The following KIF25 variants were observed in gnomAD, a reference collection of about 807,000 sequenced individuals.
KIF25 encodes kinesin family member 25.
KIF25 carries 19 observed loss-of-function variants against 32.9 expected under a neutral mutation model. That is an observed-to-expected ratio of 0.58 (90% CI 0.40 to 0.85). KIF25 has a LOEUF of 0.85. Ranked by LOEUF, KIF25 falls within the 40% of genes least tolerant of loss-of-function variation. KIF25 has a pLI of 0.00. For synonymous variants in KIF25, 225 were observed against 213.7 expected, an observed-to-expected ratio of 1.05 and a Z score of -0.46; for missense variants, 485 against 507.0, an observed-to-expected ratio of 0.96 and a Z score of 0.42.
chr6:168,025,546 G>A (rs1354149559), intron 5 of KIF25, among the ~76,000 whole-genome samples: 4 of 152,098 alleles, frequency 2.6e-5, no homozygotes, highest in Non-Finnish European at 4.4e-5. Context: ...TGTGGTAAAA[G>A]CTTTTTCCTT....
chr6:168,029,797 TA>T, intron 6 of KIF25, 120 bp downstream of exon 6: 1 of 1,300,842 alleles, frequency 7.7e-7, no homozygotes, highest in Non-Finnish European at 1.1e-6. Flanking sequence ...AGTGAAAAGT[TA>T]AAAAAGATCT....
At chr6:168,022,949 G>A (rs1182898430) in intron 5 of KIF25, among the ~76,000 whole-genome samples, 2 of 151,994 alleles carry the variant, frequency 1.3e-5, no homozygotes, top group African/African-American at 4.8e-5. Flanking sequence ...GCTCACTTGC[G>A]GTGCAGGTGT....
intron 7 of KIF25, among the ~76,000 whole-genome samples, chr6:168,031,562 C>T (rs1338578228): frequency 2.6e-5 from 4 of 152,224 alleles, no homozygotes; most frequent in African/African-American, 9.6e-5. Context: ...CATCTGACCA[C>T]GCACGCACGC....
chr6:168,044,483 C>T (rs1229968081), intron 12 of KIF25, among the ~76,000 whole-genome samples: 1 of 147,862 alleles, frequency 6.8e-6, no homozygotes, highest in Non-Finnish European at 1.5e-5. Flanking sequence ...TAGTGACCGG[C>T]TGCTGACCCT....
rs1798739527 is a variant in KIF25 at position 168,018,028 on chromosome 6, A to G, written c.-107A>G. 6.6e-6 allele frequency: 1 copy of G among 152,602 alleles called. No homozygotes were observed. The highest frequency in any genetic ancestry group is 1.5e-5 in the Non-Finnish European group (1 of 68,024). 9.5% of individuals were successfully genotyped at this position (152,602 alleles called of 1,614,324 possible). Reference sequence around the variant, plus strand: ...GGCCACCCTCTGATTGATAAGACATATCATTTTGAAAGGTAAGTGCTTTTC... The same window carrying G: ...GGCCACCCTCTGATTGATAAGACATGTCATTTTGAAAGGTAAGTGCTTTTC... On this transcript the variant is annotated 5_prime_UTR_variant, in exon 5 of 13. It adds an upstream start codon to the 5' untranslated region. Transcript: ENST00000643607.
intron 2 of KIF25, among the ~76,000 whole-genome samples, chr6:167,999,545 C>T (rs1035475470): frequency 6.6e-6 from 1 of 152,216 alleles, no homozygotes; most frequent in African/African-American, 2.4e-5. Flanking sequence ...CCTGAGCAGG[C>T]CTCTCGTGCG....
chr6:168,013,360 GC>G (rs1188881125), intron 4 of KIF25, among the ~76,000 whole-genome samples: 1 of 151,988 alleles, frequency 6.6e-6, no homozygotes, highest in African/African-American at 2.4e-5. Flanking sequence ...CTGATCCTGG[GC>G]CCGGGATCCA....
chr6:168,042,867 CG>C (rs150245739), intron 12 of KIF25, 151 bp downstream of exon 12: 32,011 of 901,248 alleles, frequency 0.036, 799 homozygotes, highest in Non-Finnish European at 0.044. Context: ...TCCCACGGCA[CG>C]GTGGTCATTC....
Position 167,999,074 on chromosome 6 carries a change from C to G in KIF25, c.-598-18C>G, listed in dbSNP as rs370205475. The G allele has an allele frequency of 6.6e-5, 10 of 152,348 alleles. No homozygotes were observed. The East Asian group carries it at 1.2e-3, about 18-fold the overall frequency. The allele number at this position is 152,348 out of a possible 1,614,324, so 9.4% of individuals were successfully genotyped here. ...CTCAAAAAATAAATAAATAAAATAA[C>G]TGTTCACTACCCTGCAGGGGTCTTT... is the stretch of plus-strand genomic sequence containing the variant. On this transcript the variant is annotated intron_variant, in intron 1 of 12. Transcript: ENST00000643607.
At chr6:168,030,708 A>C (rs1210348097) in intron 6 of KIF25, 65 bp from the exon 7 acceptor site, 2 of 1,284,574 alleles carry the variant, frequency 1.6e-6, no homozygotes, top group Non-Finnish European at 2.2e-6. Flanking sequence ...CAGGTTTCTG[A>C]GTCTGCATGC....
At chr6:168,042,355 C>A (rs1799136886) in intron 11 of KIF25, among the ~76,000 whole-genome samples, 1 of 152,198 alleles carries the variant, frequency 6.6e-6, no homozygotes, top group African/African-American at 2.4e-5. Flanking sequence ...CTCACACGGG[C>A]CCTCTGGGAA....
intron 5 of KIF25, among the ~76,000 whole-genome samples, chr6:168,018,510 C>G (rs1009547831): frequency 2.0e-5 from 3 of 152,194 alleles, no homozygotes; most frequent in African/African-American, 7.2e-5. Flanking sequence ...CGAGGGACAT[C>G]TGTAATCCAT....
At chr6:168,025,781 T>C (rs761655463) in intron 5 of KIF25, among the ~76,000 whole-genome samples, 2 of 152,192 alleles carry the variant, frequency 1.3e-5, no homozygotes, top group Non-Finnish European at 2.9e-5. Context: ...AGGGTCGGAT[T>C]AGGAATAAAA....
chr6:168,028,913 A>C (rs1798902076), intron 5 of KIF25, among the ~76,000 whole-genome samples: 1 of 152,176 alleles, frequency 6.6e-6, no homozygotes, highest in South Asian at 2.1e-4. Context: ...GAGGCTATGG[A>C]TGTTTTTACA....
rs1798447496 is a variant in KIF25, at chr6:167,998,163, T to C, written c.-1306T>C. On this transcript the variant is annotated 5_prime_UTR_variant, in exon 1 of 13. Coordinates refer to ENST00000643607, the MANE Select transcript of KIF25 (RefSeq NM_030615.4). ...CAGAAAGTCTCACTACGCTGCAGCT[T>C]TTTTTTTTTTTAATCTGGAGCATGA... 6.9e-6 allele frequency: 1 copy of C among 145,708 alleles called. No individual in the cohort carries two copies. Among genetic ancestry groups the C allele is most frequent in the Admixed American group, 6.8e-5 (1 of 14,642 alleles). The allele number at this position is 145,708 out of a possible 1,614,324, so 9.0% of individuals were successfully genotyped here. A position where few individuals can be genotyped will look rare whatever the true frequency, so the allele number is the denominator to read the frequency against.
chr6:168,007,512 AT>A (rs1798594835), intron 4 of KIF25, among the ~76,000 whole-genome samples: 1 of 152,148 alleles, frequency 6.6e-6, no homozygotes, highest in Non-Finnish European at 1.5e-5. Flanking sequence ...AGAAAGGGGG[AT>A]TTTATCAGTG....
rs1426943173 is a variant in KIF25, at chr6:168,037,483, C to T, written c.318-1070C>T. Among the ~76,000 whole-genome samples, 16 of 152,232 alleles carry T rather than the reference C, an allele frequency of 1.1e-4. No individual in the cohort carries two copies. In the East Asian group the frequency reaches 2.1e-3, roughly 20 times the overall value. Reference sequence around the variant, plus strand: ...CATCACCATGCAGGTGGTAGAGAGGCGGTCACCTCCAGCAGAAAGAAAGAG... The same window carrying T: ...CATCACCATGCAGGTGGTAGAGAGGTGGTCACCTCCAGCAGAAAGAAAGAG... On this transcript the variant is annotated intron_variant, in intron 8 of 12. Coordinates refer to ENST00000643607, the MANE Select transcript of KIF25 (RefSeq NM_030615.4).
At chr6:168,035,074 T>C (rs953243258) in intron 8 of KIF25, among the ~76,000 whole-genome samples, 1 of 116,606 alleles carries the variant, frequency 8.6e-6, no homozygotes, top group African/African-American at 3.4e-5. Context: ...GGAACTGAGG[T>C]AGAAAAAACA....
At chr6:168,035,734 C>G in intron 8 of KIF25, 1 of 456,196 alleles carries the variant, frequency 2.2e-6, no homozygotes, top group Middle Eastern at 3.3e-4. Flanking sequence ...CTGTGCGTCT[C>G]CCTCCAGGGC....
Sources: gnomAD v4.1 joint callset for allele counts (sites outside exome capture counted in the v4.1 genomes callset) on GRCh38, gnomAD v4.1.1 for gene constraint, MANE v1.5 for transcripts, NCBI Gene and HGNC (gene_info 2026-07-23, HGNC 2026-07-21) for gene names.